Variants in KIFAP3 observed in about 807,000 individuals in gnomAD.
KIFAP3 encodes the protein kinesin associated protein 3, also known as kinesin-associated protein 3.
Under a neutral mutation model 106.5 loss-of-function variants are expected in KIFAP3, and 68 were observed. That is an observed-to-expected ratio of 0.64 (90% CI 0.53 to 0.78). KIFAP3 has a LOEUF of 0.78. KIFAP3 is among the 30% of genes least tolerant of loss of function. The probability of loss-of-function intolerance (pLI) is 0.00; values close to 1 mark genes in which losing one functional copy is unlikely to be tolerated. For missense variants in KIFAP3, 780 were observed against 941.8 expected (o/e 0.83, Z 2.25); for synonymous variants, 320 against 311.5 (o/e 1.03, Z -0.29).
chr1:170,007,201 G>C (rs1009371729), intron 10 of KIFAP3, among the ~76,000 whole-genome samples: 1 of 151,968 alleles, frequency 6.6e-6, no homozygotes, highest in African/African-American at 2.4e-5. Flanking sequence ...TGTGTGGGAG[G>C]TGAAGGGTGG....
In KIFAP3 at chr1:169,972,604, T is replaced by A; in HGVS notation, c.1898-6A>T. 1 of 1,440,770 alleles carries A rather than the reference T, an allele frequency of 6.9e-7. No individual in the cohort carries two copies. Among genetic ancestry groups the A allele is most frequent in the Non-Finnish European group, 9.6e-7 (1 of 1,037,142 alleles). 89.2% of individuals were successfully genotyped at this position (1,440,770 alleles called of 1,614,324 possible). A position where few individuals can be genotyped will look rare whatever the true frequency, so the allele number is the denominator to read the frequency against. The stretch of plus-strand genomic sequence containing the variant: ...TATGAGATATGCTGGAGCCTCTGAA[T>A]AAAAATGGTTAAAGAAACAAACTAC... On this transcript the variant is annotated splice_polypyrimidine_tract_variant and splice_region_variant and intron_variant, in intron 16 of 19. Coordinates refer to ENST00000361580, the MANE Select transcript of KIFAP3 (RefSeq NM_014970.4).
At chr1:169,925,196 A>T (rs1489038125) in intron 19 of KIFAP3, among the ~76,000 whole-genome samples, 1 of 152,108 alleles carries the variant, frequency 6.6e-6, no homozygotes, top group African/African-American at 2.4e-5. Flanking sequence ...TTATAGGATT[A>T]CTTATTTAGT....
intron 10 of KIFAP3, among the ~76,000 whole-genome samples, chr1:169,995,523 A>T (rs999800691): frequency 2.0e-5 from 3 of 152,140 alleles, no homozygotes; most frequent in African/African-American, 7.2e-5. Context: ...GATTCACTGA[A>T]AAGTAGGATT....
At chr1:169,949,760 G>T (rs1034794982) in intron 19 of KIFAP3, among the ~76,000 whole-genome samples, 3 of 151,996 alleles carry the variant, frequency 2.0e-5, no homozygotes, top group Non-Finnish European at 4.4e-5. Flanking sequence ...TCTGGGATTG[G>T]CAACTCCATA....
chr1:170,050,407 G>A (rs1444440172), intron 2 of KIFAP3, among the ~76,000 whole-genome samples: 1 of 152,142 alleles, frequency 6.6e-6, no homozygotes, highest in Non-Finnish European at 1.5e-5. Context: ...GAACCAAGTT[G>A]GAAAACACAC....
intron 19 of KIFAP3, among the ~76,000 whole-genome samples, chr1:169,947,387 T>C (rs1664493524): frequency 6.6e-6 from 1 of 151,916 alleles, no homozygotes; most frequent in Non-Finnish European, 1.5e-5. Context: ...AAAGAGGTTC[T>C]ACTGCGTATG....
chr1:169,982,160 A>AC, intron 14 of KIFAP3, 63 bp from the exon 15 acceptor site: 2 of 1,488,186 alleles, frequency 1.3e-6, no homozygotes, highest in Non-Finnish European at 1.9e-6. Context: ...CATTTAGAGT[A>AC]TCAAAATGTA....
intron 17 of KIFAP3, among the ~76,000 whole-genome samples, chr1:169,968,756 AATTT>A (rs200314629): frequency 0.015 from 2,230 of 151,902 alleles, 24 homozygotes; most frequent in Non-Finnish European, 0.019. Flanking sequence ...AACTAAATAA[AATTT>A]ATTTAAGTAA....
chr1:169,973,419 T>C (rs1266430425), intron 16 of KIFAP3, among the ~76,000 whole-genome samples: 1 of 127,068 alleles, frequency 7.9e-6, no homozygotes, highest in African/African-American at 3.0e-5. Context: ...TACTAAAAAC[T>C]ATAATTCAAG....
rs556650565 is a variant in KIFAP3 at position 170,060,217 on chromosome 1, C to T, written c.33-4781G>A. Among the ~76,000 whole-genome samples, 3 of 152,278 alleles carry T rather than the reference C, an allele frequency of 2.0e-5. No homozygotes were observed. The South Asian group carries it at 6.2e-4, about 32-fold the overall frequency. ...GTATTCAATTAGGAAAAGAGGAAGT[C>T]AAATTGTCCCTGTTTGCAGATGACA... On this transcript the variant is annotated intron_variant, in intron 1 of 19. Transcript: ENST00000361580.
intron 3 of KIFAP3, among the ~76,000 whole-genome samples, chr1:170,044,108 T>G (rs1286415838): frequency 1.3e-5 from 2 of 152,136 alleles, no homozygotes; most frequent in East Asian, 3.9e-4. Context: ...GAAGAGAAAT[T>G]CCCAGGACCA....
intron 19 of KIFAP3, among the ~76,000 whole-genome samples, chr1:169,940,911 A>ATGTGTGTGTG (rs3838394): frequency 2.0e-5 from 3 of 148,024 alleles, no homozygotes; most frequent in South Asian, 2.2e-4. Flanking sequence ...TTTAAGAATT[A>ATGTGTGTGTG]TGTGTGTGTG....
chr1:169,968,852 A>G (rs923747645), intron 17 of KIFAP3, among the ~76,000 whole-genome samples: 12 of 151,636 alleles, frequency 7.9e-5, no homozygotes, highest in Non-Finnish European at 1.3e-4. Context: ...AGTAACATGC[A>G]TAACAGGTAG....
At chr1:170,018,106 G>A (rs1160542022) in intron 9 of KIFAP3, among the ~76,000 whole-genome samples, 3 of 152,098 alleles carry the variant, frequency 2.0e-5, no homozygotes, top group African/African-American at 4.8e-5. Flanking sequence ...GGTTGGAAAC[G>A]AAAATCAAAT....
chr1:169,996,478 T>C (rs1197015672), intron 10 of KIFAP3, among the ~76,000 whole-genome samples: 1 of 152,254 alleles, frequency 6.6e-6, no homozygotes, highest in South Asian at 2.1e-4. Flanking sequence ...ATGTTCAACA[T>C]AGTTTTTCTC....
intron 4 of KIFAP3, 44 bp from the exon 5 acceptor site, chr1:170,038,475 G>C (rs776203857): frequency 6.4e-7 from 1 of 1,566,602 alleles, no homozygotes; most frequent in Admixed American, 2.0e-5. Context: ...ATGCTCAACA[G>C]ATCCACTGTC....
Position 170,024,405 on chromosome 1 carries a change from C to A in KIFAP3, c.1020+13G>T. On this transcript the variant is annotated intron_variant, in intron 9 of 19. Coordinates refer to ENST00000361580, the MANE Select transcript of KIFAP3 (RefSeq NM_014970.4). The stretch of plus-strand genomic sequence containing the variant: ...AAAAATGAACTATTTCAAGAAAAAG[C>A]TTTGTAAGTTACCATATCATTTTTA... 2 of 1,501,808 alleles carry A rather than the reference C, an allele frequency of 1.3e-6. No individual in the cohort carries two copies. Among genetic ancestry groups the A allele is most frequent in the Non-Finnish European group, 1.8e-6 (2 of 1,113,940 alleles). The allele number at this position is 1,501,808 out of a possible 1,614,324, so 93.0% of individuals were successfully genotyped here. A position where few individuals can be genotyped will look rare whatever the true frequency, so the allele number is the denominator to read the frequency against.
rs200785315 is a variant in KIFAP3 at position 170,027,971 on chromosome 1, A to G, written c.842-3375T>C. On this transcript the variant is annotated intron_variant, in intron 8 of 19. Coordinates refer to ENST00000361580, the MANE Select transcript of KIFAP3 (RefSeq NM_014970.4). ...AGCATGACAGCAGACTTCTCATCAA[A>G]AACAATGCAAACAAGGCAACAGTGG... is the stretch of plus-strand genomic sequence containing the variant. 1.1e-4 allele frequency among the ~76,000 whole-genome samples: 16 copies of G among 152,296 alleles called. No individual in the cohort carries two copies. The East Asian group carries it at 2.5e-3, about 24-fold the overall frequency.
intron 5 of KIFAP3, among the ~76,000 whole-genome samples, chr1:170,036,200 T>G (rs1379244839): frequency 6.6e-6 from 1 of 152,076 alleles, no homozygotes; most frequent in Non-Finnish European, 1.5e-5. Context: ...TGACACTAGT[T>G]TCAAATCAGG....
Sources: allele counts gnomAD v4.1 joint callset (sites outside exome capture counted in the v4.1 genomes callset), GRCh38; gene constraint gnomAD v4.1.1; transcripts MANE v1.5; gene names NCBI Gene and HGNC (gene_info 2026-07-23, HGNC 2026-07-21).